Variants in PLCL1 observed in about 807,000 individuals in gnomAD.
PLCL1 encodes the protein inactive phospholipase C-like protein 1.
PLCL1 carries 41 observed loss-of-function variants against 84.4 expected under a neutral mutation model. The observed-to-expected ratio is 0.49, with a 90% CI of 0.38 to 0.63. The LOEUF is 0.63. PLCL1 is among the 30% of genes least tolerant of loss of function. The pLI is 0.00. For missense variants in PLCL1, 1,206 were observed against 1,367.8 expected, an observed-to-expected ratio of 0.88 and a Z score of 1.87; for synonymous variants, 490 against 488.3, an observed-to-expected ratio of 1.00 and a Z score of -0.05.
chr2:197,960,802 A>G (rs1000257021), intron 1 of PLCL1, among the ~76,000 whole-genome samples: 4 of 152,100 alleles, frequency 2.6e-5, no homozygotes. Flanking sequence ...TCAATCAGCC[A>G]TATGGTTTGC....
intron 1 of PLCL1, among the ~76,000 whole-genome samples, chr2:198,005,500 T>C (rs1690707277): frequency 6.6e-6 from 1 of 152,244 alleles, no homozygotes; most frequent in South Asian, 2.1e-4. Context: ...AGTTTCTTCA[T>C]TGCATTATAT....
At chr2:198,002,187 A>G (rs1690617784) in intron 1 of PLCL1, among the ~76,000 whole-genome samples, 1 of 152,124 alleles carries the variant, frequency 6.6e-6, no homozygotes, top group African/African-American at 2.4e-5. Flanking sequence ...GCTACTCTAG[A>G]GTGTCCTATT....
At chr2:197,988,941 T>C (rs1165046471) in intron 1 of PLCL1, among the ~76,000 whole-genome samples, 2 of 152,208 alleles carry the variant, frequency 1.3e-5, no homozygotes, top group Admixed American at 6.5e-5. Context: ...TGATATCTCA[T>C]TGAATCACTT....
intron 5 of PLCL1, among the ~76,000 whole-genome samples, chr2:198,132,565 A>C (rs926828154): frequency 3.3e-5 from 5 of 152,230 alleles, no homozygotes; most frequent in African/African-American, 9.6e-5. Context: ...TTTGATTTTC[A>C]CAGTAAGATA....
intron 1 of PLCL1, among the ~76,000 whole-genome samples, chr2:197,909,155 C>T (rs1688438381): frequency 6.6e-6 from 1 of 152,126 alleles, no homozygotes; most frequent in Non-Finnish European, 1.5e-5. Context: ...CTGTTTTGAG[C>T]TCGGAATTTG....
intron 5 of PLCL1, among the ~76,000 whole-genome samples, chr2:198,109,946 A>G (rs371789151): frequency 6.6e-6 from 1 of 151,572 alleles, no homozygotes; most frequent in South Asian, 2.1e-4. Context: ...TTAAAGAAAT[A>G]TAATTAATAA....
At chr2:198,091,587 G>T (rs1234306165) in intron 3 of PLCL1, among the ~76,000 whole-genome samples, 5 of 152,070 alleles carry the variant, frequency 3.3e-5, no homozygotes, top group Non-Finnish European at 7.4e-5. Context: ...GGCTGAGGCA[G>T]GAGAATCGCT....
intron 1 of PLCL1, among the ~76,000 whole-genome samples, chr2:197,971,303 T>A (rs998255232): frequency 6.6e-6 from 1 of 152,202 alleles, no homozygotes; most frequent in Non-Finnish European, 1.5e-5. Context: ...AGGAAGCAGT[T>A]CTTTGGATTT....
At chr2:197,810,388 A>G in intron 1 of PLCL1, 2 of 566,414 alleles carry the variant, frequency 3.5e-6, no homozygotes, top group Admixed American at 3.1e-5. Flanking sequence ...GTTTGCTACT[A>G]TTATCAGAAT....
chr2:198,042,442 G>T (rs1691687751), intron 1 of PLCL1, among the ~76,000 whole-genome samples: 1 of 152,206 alleles, frequency 6.6e-6, no homozygotes, highest in African/African-American at 2.4e-5. Flanking sequence ...GAATTGAGGT[G>T]GTGGTTTTAG....
At chr2:198,043,002 T>C (rs968559225) in intron 1 of PLCL1, among the ~76,000 whole-genome samples, 2 of 151,992 alleles carry the variant, frequency 1.3e-5, no homozygotes, top group East Asian at 1.9e-4. Context: ...CTGGTAAAAA[T>C]AGGACACCAA....
chr2:198,035,015 T>G (rs1321001300), intron 1 of PLCL1, among the ~76,000 whole-genome samples: 1 of 152,216 alleles, frequency 6.6e-6, no homozygotes, highest in Non-Finnish European at 1.5e-5. Flanking sequence ...ATTTCTGCCC[T>G]TACTTGTGTT....
At chr2:198,129,046 C>G (rs910406922) in intron 5 of PLCL1, among the ~76,000 whole-genome samples, 1 of 152,164 alleles carries the variant, frequency 6.6e-6, no homozygotes, top group Non-Finnish European at 1.5e-5. Flanking sequence ...AAATTCCAAC[C>G]TGACTCCAGT....
At chr2:197,835,678 G>A (rs1691172241) in intron 1 of PLCL1, among the ~76,000 whole-genome samples, 1 of 152,192 alleles carries the variant, frequency 6.6e-6, no homozygotes, top group Non-Finnish European at 1.5e-5. Flanking sequence ...CTGTTTCTTC[G>A]CCTCTAAAAT....
chr2:197,895,299 G>C (rs192175442), intron 1 of PLCL1, among the ~76,000 whole-genome samples: 130 of 152,022 alleles, frequency 8.6e-4, no homozygotes, highest in Non-Finnish European at 1.5e-3. Flanking sequence ...AGTAAAAGGT[G>C]CCATTCTAGA....
chr2:197,867,369 C>G (rs1687569050), intron 1 of PLCL1, among the ~76,000 whole-genome samples: 1 of 149,890 alleles, frequency 6.7e-6, no homozygotes, highest in Non-Finnish European at 1.5e-5. Flanking sequence ...GCAGTTACTT[C>G]TAGGATCTGT....
chr2:198,025,979 T>G (rs1237100352), intron 1 of PLCL1, among the ~76,000 whole-genome samples: 1 of 152,232 alleles, frequency 6.6e-6, no homozygotes, highest in Non-Finnish European at 1.5e-5. Context: ...ATATTTGCAA[T>G]GGGGCCATTG....
intron 1 of PLCL1, among the ~76,000 whole-genome samples, chr2:197,894,084 C>T (rs913105231): frequency 1.3e-5 from 2 of 151,792 alleles, no homozygotes; most frequent in East Asian, 1.9e-4. Context: ...AAAAGCTGCC[C>T]AGAAATTCCA....
chr2:197,851,215 AC>A (rs762862274), intron 1 of PLCL1, among the ~76,000 whole-genome samples: 2 of 152,322 alleles, frequency 1.3e-5, no homozygotes, highest in South Asian at 2.1e-4. Flanking sequence ...CAGCGGAAAA[AC>A]TTTTTTCCTC....
Sources: allele counts gnomAD v4.1 joint callset (sites outside exome capture counted in the v4.1 genomes callset), GRCh38; gene constraint gnomAD v4.1.1; transcripts MANE v1.5; gene names NCBI Gene and HGNC (gene_info 2026-07-23, HGNC 2026-07-21).